GABPB2: variants seen among roughly 807,000 people sequenced by gnomAD.
The protein encoded by GABPB2 is GA-binding protein subunit beta-2.
A neutral mutation model predicts 39.1 loss-of-function variants in GABPB2; 23 were observed. The ratio of observed to expected loss-of-function variants is 0.59; its 90% CI spans 0.42 to 0.83. The LOEUF (loss-of-function observed/expected upper bound fraction) is 0.83, where lower values mean the gene tolerates loss of function less well. Among genes scored for constraint, GABPB2 ranks in the 40% least tolerant of loss-of-function variants. GABPB2 has a pLI of 0.00. For synonymous variants in GABPB2, 184 were observed against 199.3 expected (o/e 0.92, Z 0.65); for missense variants, 467 against 541.1 (o/e 0.86, Z 1.36).
intron 7 of GABPB2, among the ~76,000 whole-genome samples, chr1:151,116,703 G>A (rs1315867057): frequency 6.6e-6 from 1 of 151,996 alleles, no homozygotes; most frequent in Non-Finnish European, 1.5e-5. Flanking sequence ...AACTTCCCAG[G>A]CTCAGGTGAT....
chr1:151,078,175 C>G (rs746800823), intron 1 of GABPB2, among the ~76,000 whole-genome samples: 1 of 149,380 alleles, frequency 6.7e-6, no homozygotes, highest in Non-Finnish European at 1.5e-5. Context: ...GAGGCTGAGA[C>G]AGGAGAATTG....
intron 2 of GABPB2, among the ~76,000 whole-genome samples, chr1:151,089,803 G>A (rs1558136292): frequency 6.6e-6 from 1 of 151,638 alleles, no homozygotes; most frequent in African/African-American, 2.4e-5. Flanking sequence ...TCCTTTTTTT[G>A]TTTGTTTTAA....
intron 4 of GABPB2, 118 bp downstream of exon 4, chr1:151,093,504 C>A: frequency 1.5e-6 from 1 of 670,540 alleles, no homozygotes; most frequent in Non-Finnish European, 2.4e-6. Context: ...TCTAATATGT[C>A]TCAATCTTGT....
chr1:151,081,169 G>A (rs952528786), intron 1 of GABPB2, among the ~76,000 whole-genome samples: 1 of 149,304 alleles, frequency 6.7e-6, no homozygotes, highest in African/African-American at 2.5e-5. Flanking sequence ...CACCACACCC[G>A]GCCAACATAA....
chr1:151,090,624 C>T (rs923823946), intron 3 of GABPB2, 51 bp downstream of exon 3: 1 of 1,564,286 alleles, frequency 6.4e-7, no homozygotes. Flanking sequence ...CATCCACTTT[C>T]CTGTTTTCTT....
Position 151,090,546 on chromosome 1 carries a change from T to C in GABPB2, c.249T>C (p.His83=). ...TGCACATGGCTGCAGCCGATGGACA[T>C]GCGCACATCGTGGAACTGCTTGTTC... ...TPLHMAAADG[H]AHIVELLVRN... The change falls in exon 3 of 9, where the codon CAT becomes CAC. Residue 83 remains histidine (H), a synonymous_variant. Transcript: ENST00000368918. The C allele has an allele frequency of 1.2e-6, 2 of 1,613,988 alleles. No individual in the cohort carries two copies. The highest frequency in any genetic ancestry group is 8.5e-7 in the Non-Finnish European group (1 of 1,179,940).
At chr1:151,108,158 C>T (rs587673029) in intron 7 of GABPB2, among the ~76,000 whole-genome samples, 1 of 152,002 alleles carries the variant, frequency 6.6e-6, no homozygotes, top group African/African-American at 2.4e-5. Context: ...AAAGATGTAC[C>T]TTTGGGTTTT....
Position 151,088,273 on chromosome 1 carries a change from T to C in GABPB2, c.84T>C (p.Asn28=), listed in dbSNP as rs1466309550. Residue 28 remains asparagine (N), a synonymous_variant, in exon 2 of 9, where the codon AAT becomes AAC. Coordinates refer to ENST00000368918, the MANE Select transcript of GABPB2 (RefSeq NM_144618.3). ...QDDEVRTLMA[N]GAPFTTDWLG... is the part of the protein sequence containing the mutation. ...ATGAAGTGAGAACGTTGATGGCAAA[T>C]GGCGCCCCATTCACCACAGACTGGG... 17 of 1,613,788 alleles carry C rather than the reference T, an allele frequency of 1.1e-5. No homozygotes were observed. Among genetic ancestry groups the C allele is most frequent in the Non-Finnish European group, 1.4e-5 (17 of 1,179,830 alleles).
intron 1 of GABPB2, among the ~76,000 whole-genome samples, chr1:151,079,086 G>A (rs751315565): frequency 5.9e-5 from 9 of 152,108 alleles, no homozygotes; most frequent in Admixed American, 4.6e-4. Context: ...ATATTAGGAG[G>A]TAAATATAGC....
At chr1:151,083,530 A>C (rs1377536511) in intron 1 of GABPB2, among the ~76,000 whole-genome samples, 1 of 152,116 alleles carries the variant, frequency 6.6e-6, no homozygotes, top group Admixed American at 6.6e-5. Flanking sequence ...GCTACTCGGA[A>C]GGCTGAGGCA....
At position 151,118,372 on chromosome 1, in the gene GABPB2, C is replaced by T; in HGVS notation, c.*116C>T. Reference sequence around the variant, plus strand: ...AGTGTCTTTAAGAAGAAAACTATAGCAGGGTACAATGCTTGGGCTCAGGAA... The same window carrying T: ...AGTGTCTTTAAGAAGAAAACTATAGTAGGGTACAATGCTTGGGCTCAGGAA... On this transcript the variant is annotated 3_prime_UTR_variant, in exon 9 of 9. Coordinates refer to ENST00000368918, the MANE Select transcript of GABPB2 (RefSeq NM_144618.3). 1 of 1,006,280 alleles carries T rather than the reference C, an allele frequency of 9.9e-7. No individual in the cohort carries two copies. The highest frequency in any genetic ancestry group is 1.4e-6 in the Non-Finnish European group (1 of 695,388). 62.3% of individuals were successfully genotyped at this position (1,006,280 alleles called of 1,614,324 possible).
intron 2 of GABPB2, 62 bp from the exon 3 acceptor site, chr1:151,090,344 C>T: frequency 1.4e-6 from 2 of 1,447,540 alleles, no homozygotes; most frequent in Non-Finnish European, 1.9e-6. Context: ...ATTTGTATCT[C>T]TCCAGTAACG....
At chr1:151,078,392 G>C (rs1677370548) in intron 1 of GABPB2, among the ~76,000 whole-genome samples, 1 of 152,080 alleles carries the variant, frequency 6.6e-6, no homozygotes, top group Non-Finnish European at 1.5e-5. Flanking sequence ...AGGAGATCGA[G>C]CCCATCCTGG....
At chr1:151,113,081 A>G (rs775015461) in intron 7 of GABPB2, among the ~76,000 whole-genome samples, 8 of 147,424 alleles carry the variant, frequency 5.4e-5, no homozygotes, top group African/African-American at 9.9e-5. Context: ...TAGCCCCTCA[A>G]TTTTTTTTTT....
intron 5 of GABPB2, among the ~76,000 whole-genome samples, chr1:151,098,849 C>T (rs1167727103): frequency 2.0e-5 from 3 of 151,962 alleles, no homozygotes; most frequent in East Asian, 1.9e-4. Flanking sequence ...TTTGGGAGGC[C>T]GAAGTGGGTG....
intron 1 of GABPB2, among the ~76,000 whole-genome samples, chr1:151,071,273 C>T (rs1421149131): frequency 6.6e-6 from 1 of 152,106 alleles, no homozygotes; most frequent in East Asian, 1.9e-4. Context: ...TGAGTTTGGC[C>T]CCCTGCCCCA....
chr1:151,082,076 CTTTTTT>C (rs1215494134), intron 1 of GABPB2, among the ~76,000 whole-genome samples: 1 of 131,608 alleles, frequency 7.6e-6, no homozygotes, highest in African/African-American at 2.8e-5. Flanking sequence ...ATTTCTTTTT[CTTTTTT>C]TTTTTTTTTT....
intron 6 of GABPB2, 151 bp downstream of exon 6, chr1:151,103,826 A>C: frequency 1.7e-6 from 1 of 588,716 alleles, no homozygotes; most frequent in Non-Finnish European, 3.0e-6. Context: ...GAACATCAGA[A>C]AGAAAAATTG....
Position 151,119,919 on chromosome 1 carries a change from T to G in GABPB2, c.*1663T>G, listed in dbSNP as rs587637812. ...CTGGGCAACAGAGCCAGACTCTGTCTCAAAAAAAAAAAAAAAGGAAATTGA... is the reference window on the plus strand; with the variant it reads ...CTGGGCAACAGAGCCAGACTCTGTCGCAAAAAAAAAAAAAAAGGAAATTGA... On this transcript the variant is annotated 3_prime_UTR_variant, in exon 9 of 9. Transcript: ENST00000368918. The G allele has an allele frequency of 5.2e-5, 7 of 135,734 alleles. No individual in the cohort carries two copies. In the East Asian group the frequency reaches 1.5e-3, roughly 30 times the overall value. The allele number at this position is 135,734 out of a possible 1,614,324, so 8.4% of individuals were successfully genotyped here. A position where few individuals can be genotyped will look rare whatever the true frequency, so the allele number is the denominator to read the frequency against.
Sources: allele counts gnomAD v4.1 joint callset (sites outside exome capture counted in the v4.1 genomes callset), GRCh38; gene constraint gnomAD v4.1.1; transcripts MANE v1.5; gene names NCBI Gene and HGNC (gene_info 2026-07-23, HGNC 2026-07-21).